GRM5: variants seen among roughly 807,000 people sequenced by gnomAD.
GRM5 encodes metabotropic glutamate receptor 5.
Under a neutral mutation model 83.1 loss-of-function variants are expected in GRM5, and 19 were observed. The ratio of observed to expected loss-of-function variants is 0.23; its 90% CI spans 0.16 to 0.34. GRM5 has a LOEUF of 0.34. Among genes scored for constraint, GRM5 ranks in the 10% least tolerant of loss-of-function variants. The pLI is 1.00. For synonymous variants in GRM5, 675 were observed against 633.6 expected (o/e 1.07, Z -0.98); for missense variants, 1,160 against 1,588.3 (o/e 0.73, Z 4.58).
intron 4 of GRM5, among the ~76,000 whole-genome samples, chr11:88,644,217 A>G (rs1939377750): frequency 6.6e-6 from 1 of 152,194 alleles, no homozygotes; most frequent in Admixed American, 6.5e-5. Flanking sequence ...CAGTCCATGA[A>G]CAATGGTCAG....
chr11:88,721,883 G>T (rs34334218), intron 3 of GRM5, among the ~76,000 whole-genome samples: 22,345 of 152,174 alleles, frequency 0.15, 1,812 homozygotes, highest in Middle Eastern at 0.19. Flanking sequence ...GGATGCAAAT[G>T]TGAAAGACTG....
At chr11:88,944,509 A>G (rs1938210966) in intron 2 of GRM5, among the ~76,000 whole-genome samples, 1 of 151,952 alleles carries the variant, frequency 6.6e-6, no homozygotes, top group African/African-American at 2.4e-5. Flanking sequence ...TTGTGTGTGT[A>G]TGGCAAAATT....
intron 2 of GRM5, among the ~76,000 whole-genome samples, chr11:88,898,009 T>C (rs1945257376): frequency 6.6e-6 from 1 of 151,970 alleles, no homozygotes; most frequent in African/African-American, 2.4e-5. Flanking sequence ...AAATACTGTC[T>C]CACAGTTCTG....
chr11:88,710,133 C>A (rs12808245), intron 3 of GRM5, among the ~76,000 whole-genome samples: 18,544 of 152,190 alleles, frequency 0.12, 1,494 homozygotes, highest in Middle Eastern at 0.19. Flanking sequence ...GATAAGATTT[C>A]CTGAAGATAG....
rs148621029 is a variant in GRM5, at chr11:88,849,143, G to GTATATA, written c.911+757_911+762dup. Among the ~76,000 whole-genome samples the GTATATA allele has an allele frequency of 2.4e-3, 366 of 150,162 alleles. 3 individuals are homozygous for GTATATA. Among genetic ancestry groups the GTATATA allele is most frequent in the African/African-American group, 8.6e-3 (354 of 40,962 alleles). On this transcript the variant is annotated intron_variant, in intron 3 of 9. Coordinates refer to ENST00000305447, the MANE Select transcript of GRM5 (RefSeq NM_001143831.3). ...ATTCCTTGTAGTAAATATCATATGT[G>GTATATA]TATATATATATATACACACACACAT... is the stretch of plus-strand genomic sequence containing the variant.
At chr11:88,993,723 T>A (rs914242862) in intron 2 of GRM5, among the ~76,000 whole-genome samples, 1 of 152,150 alleles carries the variant, frequency 6.6e-6, no homozygotes, top group Non-Finnish European at 1.5e-5. Context: ...CTGGTGTTTT[T>A]AGTTTGTTTG....
intron 8 of GRM5, among the ~76,000 whole-genome samples, chr11:88,527,207 A>G (rs1478239982): frequency 1.3e-5 from 2 of 152,228 alleles, no homozygotes; most frequent in Non-Finnish European, 1.5e-5. Context: ...TGATAGAATA[A>G]TAAATTATTG....
At chr11:88,792,868 T>C (rs1943202430) in intron 3 of GRM5, among the ~76,000 whole-genome samples, 1 of 152,130 alleles carries the variant, frequency 6.6e-6, no homozygotes, top group Non-Finnish European at 1.5e-5. Flanking sequence ...TGAAAAATAT[T>C]TAAAAATTAC....
intron 3 of GRM5, among the ~76,000 whole-genome samples, chr11:88,671,722 A>T (rs952254481): frequency 6.6e-6 from 1 of 152,118 alleles, no homozygotes; most frequent in Non-Finnish European, 1.5e-5. Context: ...AGAAGGCAAT[A>T]ACCCAGAATA....
At position 88,796,814 on chromosome 11, in the gene GRM5, T is replaced by C. The variant is rs573754780; in HGVS notation, c.911+53092A>G. 7.2e-5 allele frequency among the ~76,000 whole-genome samples: 11 copies of C among 152,142 alleles called. No homozygotes were observed. In the South Asian group the frequency reaches 1.2e-3, roughly 17 times the overall value. On this transcript the variant is annotated intron_variant, in intron 3 of 9. Transcript: ENST00000305447. Reference sequence around the variant, plus strand: ...CTGTGAAGATCATGAAGCAATATTGTTCTCTAGGGAAGATGTGGAAAGAAA... The same window carrying C: ...CTGTGAAGATCATGAAGCAATATTGCTCTCTAGGGAAGATGTGGAAAGAAA...
intron 2 of GRM5, among the ~76,000 whole-genome samples, chr11:88,927,414 G>A (rs915298498): frequency 6.6e-6 from 1 of 152,058 alleles, no homozygotes; most frequent in African/African-American, 2.4e-5. Context: ...AAAAGATAAA[G>A]TAAAAGAAAA....
intron 3 of GRM5, among the ~76,000 whole-genome samples, chr11:88,814,543 C>T (rs1943637882): frequency 1.3e-5 from 2 of 152,280 alleles, no homozygotes; most frequent in Non-Finnish European, 2.9e-5. Flanking sequence ...ACTCAGAAGA[C>T]TATTGCCTCT....
chr11:88,944,247 C>G (rs1938204777), intron 2 of GRM5, among the ~76,000 whole-genome samples: 1 of 151,874 alleles, frequency 6.6e-6, no homozygotes, highest in Non-Finnish European at 1.5e-5. Flanking sequence ...TTTCCTATGA[C>G]AAACTAAGGA....
Position 88,604,973 on chromosome 11 carries a change from A to T in GRM5, c.1148-9T>A, listed in dbSNP as rs1427034929. ...TTTCAGAGTCAGAGAACCTGTTGGG[A>T]AACAAATTAAGCATAGCTTTGAGGT... On this transcript the variant is annotated splice_polypyrimidine_tract_variant and intron_variant, in intron 4 of 9. Transcript: ENST00000305447. The T allele has an allele frequency of 1.9e-6, 3 of 1,608,802 alleles. No homozygotes were observed. Among genetic ancestry groups the T allele is most frequent in the Non-Finnish European group, 2.6e-6 (3 of 1,175,762 alleles).
At chr11:88,965,496 T>C (rs756949215) in intron 2 of GRM5, among the ~76,000 whole-genome samples, 1 of 152,126 alleles carries the variant, frequency 6.6e-6, no homozygotes, top group African/African-American at 2.4e-5. Context: ...TGGGTTGACA[T>C]AAACATTCAG....
chr11:89,046,049 A>G (rs1178962329), intron 2 of GRM5, among the ~76,000 whole-genome samples: 1 of 152,112 alleles, frequency 6.6e-6, no homozygotes, highest in Non-Finnish European at 1.5e-5. Flanking sequence ...AATTATGATT[A>G]TGTAAGTATT....
intron 3 of GRM5, among the ~76,000 whole-genome samples, chr11:88,677,473 AT>A (rs1712970647): frequency 6.6e-6 from 1 of 152,130 alleles, no homozygotes; most frequent in South Asian, 2.1e-4. Flanking sequence ...TCACTGGACA[AT>A]AGCATATGAG....
rs374201171 is a variant in GRM5 at position 88,652,096 on chromosome 11, G to A, written c.1147+1072C>T. Among the ~76,000 whole-genome samples the A allele has an allele frequency of 6.6e-5, 10 of 151,960 alleles. No homozygotes were observed. In the South Asian group the frequency reaches 2.1e-3, roughly 32 times the overall value. On this transcript the variant is annotated intron_variant, in intron 4 of 9. Transcript: ENST00000305447. Reference sequence around the variant, plus strand: ...TGAATTCTGGTGTTCCAGCACCATGGGTAAAGGCATCTATACCACCAACTA... The same window carrying A: ...TGAATTCTGGTGTTCCAGCACCATGAGTAAAGGCATCTATACCACCAACTA...
At chr11:88,749,586 C>T (rs1942220003) in intron 3 of GRM5, among the ~76,000 whole-genome samples, 1 of 152,064 alleles carries the variant, frequency 6.6e-6, no homozygotes, top group East Asian at 1.9e-4. Context: ...TCAGGAAATA[C>T]AGAGAAACCC....
Sources: allele counts gnomAD v4.1 joint callset (sites outside exome capture counted in the v4.1 genomes callset), GRCh38; gene constraint gnomAD v4.1.1; transcripts MANE v1.5; gene names NCBI Gene and HGNC (gene_info 2026-07-23, HGNC 2026-07-21).